The following MID2 variants were observed in gnomAD, a reference collection of about 807,000 sequenced individuals.
The protein encoded by MID2 is midline 2.
In MID2, 13 loss-of-function variants were observed where a neutral mutation model predicts 46.1. The observed-to-expected ratio is 0.28, with a 90% CI of 0.18 to 0.45. The LOEUF (loss-of-function observed/expected upper bound fraction) is 0.45. Ranked by LOEUF, MID2 falls within the 20% of genes least tolerant of loss-of-function variation. The probability of loss-of-function intolerance (pLI) is 1.00; values close to 1 mark genes in which losing one functional copy is unlikely to be tolerated. For missense variants in MID2, 431 were observed against 575.4 expected, an observed-to-expected ratio of 0.75 and a Z score of 2.57; for synonymous variants, 199 against 212.3, an observed-to-expected ratio of 0.94 and a Z score of 0.55.
rs1352999987 is a variant in MID2, at chrX:107,904,038, G to T, written c.897G>T (p.Met299Ile). 7 of 1,200,501 alleles carry T rather than the reference G, an allele frequency of 5.8e-6. No homozygotes were observed. The Admixed American group carries it at 8.8e-5, about 15-fold the overall frequency. Reference protein sequence around the residue: ...LVEIIQQRKQMIAVKIKETKV... With the variant: ...LVEIIQQRKQIIAVKIKETKV... ...AGATCATCCAGCAGAGGAAGCAAAT[G>T]ATCGCTGTCAAAATCAAAGAGACAA... The change falls in exon 4 of 10, where the codon ATG becomes ATT. Residue 299 changes from methionine (M) to isoleucine (I), a missense_variant. Met to Ile is a conservative substitution (Grantham distance 10, BLOSUM62 1). Transcript: ENST00000262843.
Position 107,847,413 on chromosome X carries a change from T to A in MID2, c.720+6028T>A, listed in dbSNP as rs1412322156. On this transcript the variant is annotated intron_variant, in intron 2 of 9. Transcript: ENST00000262843. Reference sequence around the variant, plus strand: ...TATCATTGAGTTCAAAAACAGGGAATCATGAGTGAATTTATTGGAGAAGAA... The same window carrying A: ...TATCATTGAGTTCAAAAACAGGGAAACATGAGTGAATTTATTGGAGAAGAA... 3.6e-5 allele frequency among the ~76,000 whole-genome samples: 4 copies of A among 111,118 alleles called. No individual in the cohort carries two copies. In the Admixed American group the frequency reaches 3.8e-4, roughly 11 times the overall value.
chrX:107,830,304 G>T (rs963364613), intron 1 of MID2, among the ~76,000 whole-genome samples: 2 of 112,182 alleles, frequency 1.8e-5, no homozygotes, highest in Admixed American at 1.9e-4. Context: ...GCTTGGTCTT[G>T]TGTGTGTCTG....
Position 107,927,166 on chromosome X carries a change from TA to T in MID2, c.*96del. 1 of 836,867 alleles carries T rather than the reference TA, an allele frequency of 1.2e-6. No individual in the cohort carries two copies. Among genetic ancestry groups the T allele is most frequent in the Admixed American group, 3.6e-5 (1 of 27,712 alleles). The allele number at this position is 836,867 out of a possible 1,213,427, so 69.0% of individuals were successfully genotyped here. The stretch of plus-strand genomic sequence containing the variant: ...AGCGTTCAATATACGAGACACAAAA[TA>T]AAGTTTGTTTGAAGCATCCAAAATA... On this transcript the variant is annotated 3_prime_UTR_variant, in exon 10 of 10. Coordinates refer to ENST00000262843, the MANE Select transcript of MID2 (RefSeq NM_012216.4).
At chrX:107,836,207 A>G (rs1931197621) in intron 1 of MID2, among the ~76,000 whole-genome samples, 1 of 111,761 alleles carries the variant, frequency 8.9e-6, no homozygotes, top group South Asian at 3.7e-4. Flanking sequence ...TTTTATCCTA[A>G]GTTTGATTCT....
At chrX:107,896,370 T>C (rs1198628720) in intron 3 of MID2, 3 of 111,610 alleles carry the variant, frequency 2.7e-5, no homozygotes, top group African/African-American at 9.8e-5. Flanking sequence ...TCTAAAAAAA[T>C]AAAAAATAAA....
At position 107,826,406 on chromosome X, in the gene MID2, T is replaced by C; in HGVS notation, c.-21T>C. 1 of 1,137,577 alleles carries C rather than the reference T, an allele frequency of 8.8e-7. No individual in the cohort carries two copies. Among genetic ancestry groups the C allele is most frequent in the Non-Finnish European group, 1.2e-6 (1 of 859,348 alleles). 93.7% of individuals were successfully genotyped at this position (1,137,577 alleles called of 1,213,427 possible). Reference sequence around the variant, plus strand: ...AGCGCCCTCGAGCGAGCGGAGGAGATGGCTGGCACCTGGGAACGCTATGGG... The same window carrying C: ...AGCGCCCTCGAGCGAGCGGAGGAGACGGCTGGCACCTGGGAACGCTATGGG... On this transcript the variant is annotated 5_prime_UTR_variant, in exon 1 of 10. The change abolishes an upstream ATG in the 5' untranslated region. Coordinates refer to ENST00000262843, the MANE Select transcript of MID2 (RefSeq NM_012216.4).
At chrX:107,854,578 C>G (rs1329449132) in intron 2 of MID2, 31 bp from the exon 3 acceptor site, 1 of 1,080,091 alleles carries the variant, frequency 9.3e-7, no homozygotes, top group Non-Finnish European at 1.3e-6. Context: ...TTCTCGGTTC[C>G]CCTCTGGATT....
At chrX:107,879,386 C>T (rs1932272510) in intron 3 of MID2, among the ~76,000 whole-genome samples, 1 of 112,000 alleles carries the variant, frequency 8.9e-6, no homozygotes, top group African/African-American at 3.2e-5. Flanking sequence ...TAGTCTTCCC[C>T]TGTAGTCCAG....
At chrX:107,867,219 C>T (rs1395721996) in intron 3 of MID2, among the ~76,000 whole-genome samples, 4 of 109,737 alleles carry the variant, frequency 3.6e-5, no homozygotes, top group Admixed American at 9.6e-5. Context: ...GGTGAGATCT[C>T]GGCTCACTGC....
At position 107,826,203 on chromosome X, in the gene MID2, TC is replaced by T. The variant is rs929678616; in HGVS notation, c.-220del. On this transcript the variant is annotated 5_prime_UTR_variant, in exon 1 of 10. Coordinates refer to ENST00000262843, the MANE Select transcript of MID2 (RefSeq NM_012216.4). ...CGGTAGCATCGCGGCCGCCGTGCTG[TC>T]CCCTGCGGGGCGCGCGGGCTGGCGG... The T allele has an allele frequency of 1.3e-5, 4 of 308,158 alleles. No individual in the cohort carries two copies. Among genetic ancestry groups the T allele is most frequent in the African/African-American group, 1.1e-4 (4 of 36,376 alleles). 25.4% of individuals were successfully genotyped at this position (308,158 alleles called of 1,213,427 possible). A position where few individuals can be genotyped will look rare whatever the true frequency, so the allele number is the denominator to read the frequency against.
chrX:107,922,753 T>A (rs1433291435), intron 7 of MID2, among the ~76,000 whole-genome samples: 1 of 112,474 alleles, frequency 8.9e-6, no homozygotes, highest in Non-Finnish European at 1.9e-5. Context: ...AATTTGCTTT[T>A]TTCAATTGAC....
intron 5 of MID2, among the ~76,000 whole-genome samples, chrX:107,905,839 C>T (rs1160932237): frequency 8.9e-6 from 1 of 111,878 alleles, no homozygotes; most frequent in African/African-American, 3.3e-5. Context: ...CAGTCAAGTA[C>T]CAGCCGTAGC....
At position 107,931,631 on chromosome X, in the gene MID2, T is replaced by C. The variant is rs1933283971; in HGVS notation, c.*4558T>C. 9.0e-6 allele frequency among the ~76,000 whole-genome samples: 1 copy of C among 111,437 alleles called. No homozygotes were observed. The highest frequency in any genetic ancestry group is 1.9e-5 in the Non-Finnish European group (1 of 53,148). ...ATGAATTAAATAAATATATATGTAT[T>C]CATGAATTCTTTGTTGTCTCTCGCT... On this transcript the variant is annotated 3_prime_UTR_variant, in exon 10 of 10. Coordinates refer to ENST00000262843, the MANE Select transcript of MID2 (RefSeq NM_012216.4).
At chrX:107,920,639 ATAC>A (rs1404823596) in intron 7 of MID2, among the ~76,000 whole-genome samples, 1 of 112,004 alleles carries the variant, frequency 8.9e-6, no homozygotes, top group Non-Finnish European at 1.9e-5. Flanking sequence ...AACAAGAGGT[ATAC>A]TTCCACTGAC....
At position 107,916,108 on chromosome X, in the gene MID2, G is replaced by C; in HGVS notation, c.1180G>C (p.Glu394Gln). The C allele has an allele frequency of 8.3e-7, 1 of 1,199,582 alleles. No individual in the cohort carries two copies. Among genetic ancestry groups the C allele is most frequent in the Non-Finnish European group, 1.1e-6 (1 of 890,512 alleles). The change falls in exon 6 of 10, where the codon GAG becomes CAG. Residue 394 changes from glutamate (E) to glutamine (Q), a missense_variant. By Grantham distance (29) the Glu-to-Gln change is conservative (BLOSUM62 2). Coordinates refer to ENST00000262843, the MANE Select transcript of MID2 (RefSeq NM_012216.4). The part of the protein sequence containing the change: ...LDFSREKKLL[E>Q]GLDYLTAPNP... ...TTTTTCCAGAGAAAAGAAACTGCTA[G>C]AGGGGTTAGATTATTTAACAGGTGT...
chrX:107,899,956 A>G (rs1932782375), intron 3 of MID2, among the ~76,000 whole-genome samples: 1 of 112,015 alleles, frequency 8.9e-6, no homozygotes, highest in African/African-American at 3.2e-5. Flanking sequence ...GGGGCTTTCA[A>G]ATGTCTTCCA....
At chrX:107,847,978 T>C (rs1931528526) in intron 2 of MID2, among the ~76,000 whole-genome samples, 1 of 111,356 alleles carries the variant, frequency 9.0e-6, no homozygotes, top group Non-Finnish European at 1.9e-5. Context: ...AAAGAGTTTG[T>C]TGAAACATCT....
intron 1 of MID2, among the ~76,000 whole-genome samples, chrX:107,826,862 T>C (rs1383690462): frequency 4.4e-5 from 5 of 113,485 alleles, no homozygotes; most frequent in African/African-American, 9.6e-5. Flanking sequence ...GCCGGCCGTC[T>C]GCCGGGCGGT....
chrX:107,846,885 T>A lies in MID2; in HGVS notation c.720+5500T>A, dbSNP rs756500305. On this transcript the variant is annotated intron_variant, in intron 2 of 9. Transcript: ENST00000262843. The stretch of plus-strand genomic sequence containing the variant: ...TTGTTTGAGAACAATTTACAAAATG[T>A]TGACACAGAGATTGTTCTTGGGTGG... Among the ~76,000 whole-genome samples, 18 of 112,416 alleles carry A rather than the reference T, an allele frequency of 1.6e-4. No individual in the cohort carries two copies. The South Asian group carries it at 6.7e-3, about 42-fold the overall frequency.
Sources: gnomAD v4.1 joint callset for allele counts (sites outside exome capture counted in the v4.1 genomes callset) on GRCh38, gnomAD v4.1.1 for gene constraint, MANE v1.5 for transcripts, NCBI Gene and HGNC (gene_info 2026-07-23, HGNC 2026-07-21) for gene names.